SMTNL2: variants seen among roughly 807,000 people sequenced by gnomAD.
SMTNL2 encodes the protein smoothelin like 2, also known as smoothelin-like protein 2.
Under a neutral mutation model 44.1 loss-of-function variants are expected in SMTNL2, and 43 were observed. The ratio of observed to expected loss-of-function variants is 0.98; its 90% CI spans 0.76 to 1.26. SMTNL2 has a LOEUF of 1.26. SMTNL2 is among the 50% of genes most tolerant of loss of function. SMTNL2 has a pLI of 0.00. For synonymous variants in SMTNL2, 317 were observed against 287.6 expected, an observed-to-expected ratio of 1.10 and a Z score of -1.03; for missense variants, 646 against 670.2, an observed-to-expected ratio of 0.96 and a Z score of 0.40.
At position 4,592,252 on chromosome 17, in the gene SMTNL2, C is replaced by T; in HGVS notation, c.400-109C>T. 9.8e-7 allele frequency: 1 copy of T among 1,021,534 alleles called. No homozygotes were observed. The highest frequency in any genetic ancestry group is 1.5e-6 in the Non-Finnish European group (1 of 684,212). The allele number at this position is 1,021,534 out of a possible 1,614,324, so 63.3% of individuals were successfully genotyped here. A position where few individuals can be genotyped will look rare whatever the true frequency, so the allele number is the denominator to read the frequency against. On this transcript the variant is annotated intron_variant, in intron 1 of 7. Transcript: ENST00000389313. The surrounding 1 kb of genome is among the most constrained non-coding windows in gnomAD (Gnocchi z 4.5). ...CTTCCTGGGGGCTGTTTTCTCTCAA[C>T]ATGATTGGTGTTTTGCCAGAACGGG...
At chr17:4,590,209 C>A (rs1408132590) in intron 1 of SMTNL2, among the ~76,000 whole-genome samples, 1 of 151,966 alleles carries the variant, frequency 6.6e-6, no homozygotes, top group Non-Finnish European at 1.5e-5. Flanking sequence ...TCAAGTGATC[C>A]ACCCGCCTCG....
Position 4,596,874 on chromosome 17 carries a change from C to A in SMTNL2, c.1004C>A (p.Ala335Asp), listed in dbSNP as rs776587280. Reference protein sequence around the residue: ...ETAAGKGKGEARARLKRSQSF... With the variant: ...ETAAGKGKGEDRARLKRSQSF... Reference sequence around the variant, plus strand: ...TCTCTCCGCAGGGGGAAAGGCGAGGCCCGGGCCAGGCTGAAGCGGTCGCAG... The same window carrying A: ...TCTCTCCGCAGGGGGAAAGGCGAGGACCGGGCCAGGCTGAAGCGGTCGCAG... The change falls in exon 6 of 8, where the codon GCC becomes GAC. Residue 335 changes from alanine to aspartate, a missense_variant. Physicochemically the swap from Ala to Asp is moderately radical, Grantham distance 126 (BLOSUM62 -2). Coordinates refer to ENST00000389313, the MANE Select transcript of SMTNL2 (RefSeq NM_001114974.2). The A allele has an allele frequency of 2.7e-6, 4 of 1,490,034 alleles. No individual in the cohort carries two copies. Among genetic ancestry groups the A allele is most frequent in the Non-Finnish European group, 9.0e-7 (1 of 1,116,378 alleles). 92.3% of individuals were successfully genotyped at this position (1,490,034 alleles called of 1,614,324 possible).
Position 4,592,282 on chromosome 17 carries a change from G to T in SMTNL2, c.400-79G>T. ...TTGGTGTTTTGCCAGAACGGGAGGG[G>T]ATTTGGGGGTGGGCAGCTTTTGGGG... is the stretch of plus-strand genomic sequence containing the variant. On this transcript the variant is annotated intron_variant, in intron 1 of 7. Transcript: ENST00000389313. This position sits in a 1 kb window ranked among gnomAD's most constrained non-coding sequence, Gnocchi z 4.5. 3 of 1,268,714 alleles carry T rather than the reference G, an allele frequency of 2.4e-6. No individual in the cohort carries two copies. The highest frequency in any genetic ancestry group is 3.3e-6 in the Non-Finnish European group (3 of 916,770). 78.6% of individuals were successfully genotyped at this position (1,268,714 alleles called of 1,614,324 possible).
Position 4,594,988 on chromosome 17 carries a change from C to A in SMTNL2, c.807-157C>A. ...AGCCAGCACAATTCAGAAAACCTGT[C>A]AAACCAGCTAGGGACCGGAGCAAGG... On this transcript the variant is annotated intron_variant, in intron 4 of 7. Transcript: ENST00000389313. 4.1e-6 allele frequency: 4 copies of A among 986,712 alleles called. No individual in the cohort carries two copies. The South Asian group carries it at 4.8e-5, about 12-fold the overall frequency. The allele number at this position is 986,712 out of a possible 1,614,324, so 61.1% of individuals were successfully genotyped here.
intron 7 of SMTNL2, among the ~76,000 whole-genome samples, chr17:4,603,915 G>C (rs2150526123): frequency 6.6e-6 from 1 of 152,186 alleles, no homozygotes; most frequent in African/African-American, 2.4e-5. Context: ...CATGATCTTG[G>C]CTCACTGCAA....
Position 4,584,573 on chromosome 17 carries a change from G to C in SMTNL2, c.-33G>C. On this transcript the variant is annotated 5_prime_UTR_variant, in exon 1 of 8. Coordinates refer to ENST00000389313, the MANE Select transcript of SMTNL2 (RefSeq NM_001114974.2). ...GGAGCTCGGATCTTCTCCCCCGTCT[G>C]GCCCGCTCTCGACCCGCGCGCTCTG... 1 of 1,220,978 alleles carries C rather than the reference G, an allele frequency of 8.2e-7. No homozygotes were observed. Among genetic ancestry groups the C allele is most frequent in the East Asian group, 3.3e-5 (1 of 30,222 alleles). The allele number at this position is 1,220,978 out of a possible 1,614,324, so 75.6% of individuals were successfully genotyped here. A position where few individuals can be genotyped will look rare whatever the true frequency, so the allele number is the denominator to read the frequency against.
chr17:4,596,936 A>G lies in SMTNL2; in HGVS notation c.1066A>G (p.Ile356Val). ...GGCCAGCGCCAGCAGCATCAAGCAG[A>G]TCCTGCTCGAGTGGTGCCGCAGCAA... Reference protein sequence around the residue: ...GVASASSIKQILLEWCRSKTL... With the variant: ...GVASASSIKQVLLEWCRSKTL... Residue 356 changes from isoleucine to valine, a missense_variant, in exon 6 of 8, where the codon ATC becomes GTC. Ile to Val is a conservative substitution (Grantham distance 29). Coordinates refer to ENST00000389313, the MANE Select transcript of SMTNL2 (RefSeq NM_001114974.2). The G allele has an allele frequency of 6.5e-7, 1 of 1,527,438 alleles. No individual in the cohort carries two copies. The highest frequency in any genetic ancestry group is 1.2e-5 in the South Asian group (1 of 83,308). The allele number at this position is 1,527,438 out of a possible 1,614,324, so 94.6% of individuals were successfully genotyped here.
At chr17:4,594,487 A>C (rs71368507) in intron 4 of SMTNL2, among the ~76,000 whole-genome samples, 27,026 of 151,900 alleles carry the variant, frequency 0.18, 2,542 homozygotes, top group African/African-American at 0.25. Context: ...AAATGAATAA[A>C]AAACAAAAAA....
In SMTNL2 at chr17:4,593,749, C is replaced by T. The variant is rs528674594; in HGVS notation, c.731-73C>T. The T allele has an allele frequency of 2.6e-4, 392 of 1,482,462 alleles. 5 individuals are homozygous for T. The East Asian group carries it at 8.8e-3, about 33-fold the overall frequency. The allele number at this position is 1,482,462 out of a possible 1,614,324, so 91.8% of individuals were successfully genotyped here. ...CCGGGTAAATGAGGCAGGGCTGGGT[C>T]AGAGGAAGGGAGGCTATGGCGGGCC... On this transcript the variant is annotated intron_variant, in intron 3 of 7. Transcript: ENST00000389313.
rs1480809407 is a variant in SMTNL2, at chr17:4,584,770, C to T, written c.165C>T (p.Pro55=). The T allele has an allele frequency of 7.6e-7, 1 of 1,308,410 alleles. No homozygotes were observed. 81.1% of individuals were successfully genotyped at this position (1,308,410 alleles called of 1,614,324 possible). A position where few individuals can be genotyped will look rare whatever the true frequency, so the allele number is the denominator to read the frequency against. ...RVAEAMRLAG[P]LARTVADLQR... is the part of the protein sequence containing the mutation. The stretch of plus-strand genomic sequence containing the variant: ...CAGAGGCGATGCGCCTGGCCGGCCC[C>T]CTGGCGCGCACGGTGGCCGACCTGC... The change falls in exon 1 of 8, where the codon CCC becomes CCT. Residue 55 remains proline, a synonymous_variant. Coordinates refer to ENST00000389313, the MANE Select transcript of SMTNL2 (RefSeq NM_001114974.2).
intron 3 of SMTNL2, 109 bp from the exon 4 acceptor site, chr17:4,593,713 A>T (rs779192784): frequency 9.1e-7 from 1 of 1,095,594 alleles, no homozygotes; most frequent in Non-Finnish European, 1.3e-6. Flanking sequence ...TAGCTCATCC[A>T]TGCAGCGATG....
intron 1 of SMTNL2, among the ~76,000 whole-genome samples, chr17:4,590,697 A>G (rs1177627459): frequency 6.6e-6 from 1 of 151,462 alleles, no homozygotes; most frequent in African/African-American, 2.4e-5. Context: ...CTTTTCCCCA[A>G]AGCTCCGAGT....
rs568700829 is a variant in SMTNL2, at chr17:4,589,200, A to AG, written c.400-3157dup. Among the ~76,000 whole-genome samples the AG allele has an allele frequency of 2.6e-3, 391 of 152,174 alleles. 1 individual carries two copies. The highest frequency in any genetic ancestry group is 8.7e-3 in the African/African-American group (363 of 41,500). On this transcript the variant is annotated intron_variant, in intron 1 of 7. Coordinates refer to ENST00000389313, the MANE Select transcript of SMTNL2 (RefSeq NM_001114974.2). ...CCCTGGGGCATCATGGGGGTTGTTGAGGGGCTGCAACGTGCAGGGACAGGC... is the reference window on the plus strand; with the variant it reads ...CCCTGGGGCATCATGGGGGTTGTTGAGGGGGCTGCAACGTGCAGGGACAGGC...
At chr17:4,590,019 T>C (rs1165437593) in intron 1 of SMTNL2, among the ~76,000 whole-genome samples, 1 of 132,878 alleles carries the variant, frequency 7.5e-6, no homozygotes, top group Non-Finnish European at 1.5e-5. Flanking sequence ...CAGGCTGGAG[T>C]GCAGTGGTGC....
At chr17:4,605,676 G>GA (rs1019083334) in intron 7 of SMTNL2, among the ~76,000 whole-genome samples, 4 of 151,790 alleles carry the variant, frequency 2.6e-5, no homozygotes, top group African/African-American at 7.3e-5. Flanking sequence ...TTATTGATGG[G>GA]AAAAAAAATA....
At chr17:4,589,182 G>A in intron 1 of SMTNL2, among the ~76,000 whole-genome samples, 1 of 152,164 alleles carries the variant, frequency 6.6e-6, no homozygotes, top group Non-Finnish European at 1.5e-5. Flanking sequence ...GTCCCCTGGG[G>A]CATCATGGGG....
Position 4,584,966 on chromosome 17 carries a change from G to T in SMTNL2, c.361G>T (p.Ala121Ser). 1 of 1,373,180 alleles carries T rather than the reference G, an allele frequency of 7.3e-7. No individual in the cohort carries two copies. Among genetic ancestry groups the T allele is most frequent in the Non-Finnish European group, 9.4e-7 (1 of 1,065,012 alleles). The allele number at this position is 1,373,180 out of a possible 1,614,324, so 85.1% of individuals were successfully genotyped here. ...GCCCCGCCTGGGCAGCGCACGCTTC[G>T]CCAGCCACGCCACCTTCTCGCTGTC... is the stretch of plus-strand genomic sequence containing the variant. ...RAPRLGSARF[A>S]SHATFSLSGR... is the part of the protein sequence containing the mutation. Residue 121 changes from alanine to serine, a missense_variant, in exon 1 of 8, where the codon GCC becomes TCC. Transcript: ENST00000389313.
chr17:4,587,783 C>A (rs1206141267), intron 1 of SMTNL2, among the ~76,000 whole-genome samples: 1 of 152,236 alleles, frequency 6.6e-6, no homozygotes, highest in Non-Finnish European at 1.5e-5. Context: ...TAAATGTCCC[C>A]TGAACTCAAT....
At chr17:4,593,925 G>C (rs759662369) in intron 4 of SMTNL2, 28 bp downstream of exon 4, 1 of 1,612,590 alleles carries the variant, frequency 6.2e-7, no homozygotes, top group East Asian at 2.2e-5. Flanking sequence ...TTCCTGTGGG[G>C]TCGCTGCGCC....
Sources: allele counts gnomAD v4.1 joint callset (sites outside exome capture counted in the v4.1 genomes callset), GRCh38; gene constraint gnomAD v4.1.1; non-coding constraint Gnocchi (gnomAD v3.1); transcripts MANE v1.5; gene names NCBI Gene and HGNC (gene_info 2026-07-23, HGNC 2026-07-21).